The following TMEM117 variants were observed in gnomAD, a reference collection of about 807,000 sequenced individuals.
TMEM117 encodes the protein transmembrane protein 117.
In TMEM117, 27 loss-of-function variants were observed where a neutral mutation model predicts 52.4. The observed-to-expected ratio is 0.51, with a 90% CI of 0.38 to 0.71. The LOEUF is 0.71. Among genes scored for constraint, TMEM117 ranks in the 30% least tolerant of loss-of-function variants. The pLI is 0.00. For missense variants in TMEM117, 556 were observed against 630.5 expected (o/e 0.88, Z 1.26); for synonymous variants, 215 against 206.3 (o/e 1.04, Z -0.36).
chr12:43,942,361 TA>T (rs764561083), intron 2 of TMEM117, among the ~76,000 whole-genome samples: 1 of 152,238 alleles, frequency 6.6e-6, no homozygotes, highest in Non-Finnish European at 1.5e-5. Flanking sequence ...GTGGTTAATA[TA>T]TTTTTTTAAT....
chr12:43,921,908 T>G (rs1252991654), intron 2 of TMEM117, among the ~76,000 whole-genome samples: 1 of 152,144 alleles, frequency 6.6e-6, no homozygotes, highest in Admixed American at 6.5e-5. Context: ...TTGCTACTTC[T>G]GTTTGGCAGC....
At chr12:44,023,309 G>A (rs1433742433) in intron 3 of TMEM117, among the ~76,000 whole-genome samples, 1 of 152,178 alleles carries the variant, frequency 6.6e-6, no homozygotes, top group Non-Finnish European at 1.5e-5. Context: ...CTTTATTGCA[G>A]CGTGATTTAT....
At chr12:43,819,754 G>A in the TMEM117 span, among the ~76,000 whole-genome samples, 23 of 151,776 alleles carry the variant, frequency 1.5e-4, no homozygotes, top group Non-Finnish European at 2.1e-4. Flanking sequence ...CCAGCCTGGC[G>A]ATAGAGCGAG....
At chr12:44,189,313 A>T (rs1949320713) in intron 4 of TMEM117, among the ~76,000 whole-genome samples, 2 of 152,164 alleles carry the variant, frequency 1.3e-5, no homozygotes, top group Admixed American at 1.3e-4. Context: ...TCTTTCTTTT[A>T]ATCCAGTGTT....
chr12:43,923,803 GT>G (rs1406927132), intron 2 of TMEM117, among the ~76,000 whole-genome samples: 1 of 152,054 alleles, frequency 6.6e-6, no homozygotes, highest in African/African-American at 2.4e-5. Flanking sequence ...AAAGTATTGA[GT>G]AATATACTAA....
At chr12:44,137,769 T>C (rs1161463256) in intron 3 of TMEM117, among the ~76,000 whole-genome samples, 1 of 152,128 alleles carries the variant, frequency 6.6e-6, no homozygotes, top group Non-Finnish European at 1.5e-5. Flanking sequence ...GTCCCACTTA[T>C]TCAACTACCT....
At chr12:44,187,847 G>A (rs1225539676) in intron 4 of TMEM117, among the ~76,000 whole-genome samples, 1 of 152,058 alleles carries the variant, frequency 6.6e-6, no homozygotes, top group Non-Finnish European at 1.5e-5. Flanking sequence ...CTCATATGGA[G>A]CTGCCACCAA....
Position 44,383,043 on chromosome 12 carries a change from AG to A in TMEM117, c.899-4981del, listed in dbSNP as rs1215816766. ...ACTTATCCAAAATTCATCTTCTTCA[AG>A]GCCATGGTTTTGTGCTGTCCCATGA... On this transcript the variant is annotated intron_variant, in intron 7 of 7. Coordinates refer to ENST00000266534, the MANE Select transcript of TMEM117 (RefSeq NM_032256.3). 3.9e-5 allele frequency among the ~76,000 whole-genome samples: 6 copies of A among 152,240 alleles called. No homozygotes were observed. In the South Asian group the frequency reaches 8.3e-4, roughly 21 times the overall value.
intron 3 of TMEM117, among the ~76,000 whole-genome samples, chr12:44,037,872 C>T (rs995385159): frequency 6.6e-6 from 1 of 151,882 alleles, no homozygotes; most frequent in Admixed American, 6.6e-5. Context: ...GAGAGGAGCA[C>T]TCCAGGGTCT....
chr12:44,063,850 T>C (rs950608988), intron 3 of TMEM117, among the ~76,000 whole-genome samples: 2 of 152,118 alleles, frequency 1.3e-5, no homozygotes, highest in Non-Finnish European at 2.9e-5. Context: ...GGGAGAGAAG[T>C]GGCTAAAGGT....
At chr12:43,816,371 C>T in the TMEM117 span, among the ~76,000 whole-genome samples, 1 of 151,992 alleles carries the variant, frequency 6.6e-6, no homozygotes, top group Admixed American at 6.6e-5. Flanking sequence ...AACTCACCTC[C>T]TGTCCACTAC....
intron 1 of TMEM117, 41 bp from the exon 2 acceptor site, chr12:43,844,583 T>A: frequency 6.6e-7 from 1 of 1,511,750 alleles, no homozygotes; most frequent in African/African-American, 1.4e-5. Context: ...AAGCCATTAC[T>A]TGTTTTCCTC....
At chr12:44,356,222 A>C (rs1263760740) in intron 6 of TMEM117, among the ~76,000 whole-genome samples, 1 of 152,130 alleles carries the variant, frequency 6.6e-6, no homozygotes, top group Admixed American at 6.6e-5. Flanking sequence ...GATAAGAATG[A>C]CAAATTACAA....
chr12:44,280,127 G>T (rs555185845), intron 5 of TMEM117, among the ~76,000 whole-genome samples: 1 of 150,954 alleles, frequency 6.6e-6, no homozygotes, highest in African/African-American at 2.4e-5. Context: ...TTCATTCATC[G>T]CTGTGACTTT....
At chr12:43,815,499 T>C in the TMEM117 span, among the ~76,000 whole-genome samples, 5 of 152,180 alleles carry the variant, frequency 3.3e-5, no homozygotes, top group African/African-American at 1.2e-4. Flanking sequence ...AGAGGTGTTA[T>C]AAGGATACAC....
chr12:44,030,489 A>G (rs1946615821), intron 3 of TMEM117, among the ~76,000 whole-genome samples: 1 of 152,232 alleles, frequency 6.6e-6, no homozygotes, highest in Non-Finnish European at 1.5e-5. Context: ...AAAGTCACTA[A>G]GAGTTAACAG....
At chr12:44,215,809 T>C (rs548542162) in intron 5 of TMEM117, among the ~76,000 whole-genome samples, 4 of 151,964 alleles carry the variant, frequency 2.6e-5, no homozygotes, top group African/African-American at 7.2e-5. Context: ...CTAGTGCTCA[T>C]TAGGGCTTCA....
chr12:43,801,974 G>A, the TMEM117 span, among the ~76,000 whole-genome samples: 2 of 152,192 alleles, frequency 1.3e-5, no homozygotes, highest in Admixed American at 6.5e-5. Context: ...AGGTTGCAGT[G>A]AGCCGAAACT....
chr12:44,227,115 A>T lies in TMEM117; in HGVS notation c.608+15728A>T, dbSNP rs139497625. 2.6e-4 allele frequency among the ~76,000 whole-genome samples: 39 copies of T among 152,240 alleles called. 1 individual carries two copies. The East Asian group carries it at 5.4e-3, about 21-fold the overall frequency. ...TTAGGATTGGACTTGTTATGCTTTA[A>T]TTCCCACATATTCACTATTTGCATT... is the stretch of plus-strand genomic sequence containing the variant. On this transcript the variant is annotated intron_variant, in intron 5 of 7. Transcript: ENST00000266534.
Sources: allele counts gnomAD v4.1 joint callset (sites outside exome capture counted in the v4.1 genomes callset), GRCh38; gene constraint gnomAD v4.1.1; transcripts MANE v1.5; gene names NCBI Gene and HGNC (gene_info 2026-07-23, HGNC 2026-07-21).